Variants in NPHP1 observed in about 807,000 individuals in gnomAD.
NPHP1 encodes the protein nephrocystin 1, also known as nephrocystin-1.
A neutral mutation model predicts 90.4 loss-of-function variants in NPHP1; 70 were observed. That is an observed-to-expected ratio of 0.77 (90% CI 0.64 to 0.95). The LOEUF is 0.95. Among genes scored for constraint, NPHP1 ranks in the 40% least tolerant of loss-of-function variants. NPHP1 has a pLI of 0.00. For missense variants in NPHP1, 764 were observed against 795.9 expected (o/e 0.96, Z 0.48); for synonymous variants, 256 against 271.7 (o/e 0.94, Z 0.57).
chr2:110,195,900 G>C (rs1408937992), intron 2 of NPHP1, among the ~76,000 whole-genome samples: 2 of 152,062 alleles, frequency 1.3e-5, no homozygotes, highest in Admixed American at 1.3e-4. Flanking sequence ...ACAAGAAATG[G>C]GGAAATGATT....
intron 16 of NPHP1, among the ~76,000 whole-genome samples, chr2:110,135,748 G>A (rs1386447966): frequency 6.6e-6 from 1 of 152,126 alleles, no homozygotes; most frequent in Non-Finnish European, 1.5e-5. Flanking sequence ...TTTGGGCTGA[G>A]AAAAATCACC....
At chr2:110,133,812 T>C (rs1030513009) in intron 16 of NPHP1, among the ~76,000 whole-genome samples, 1 of 151,690 alleles carries the variant, frequency 6.6e-6, no homozygotes, top group African/African-American at 2.4e-5. Context: ...CAAGAGAAAC[T>C]AGAAAATATC....
chr2:110,190,685 T>C (rs1279002110), intron 2 of NPHP1, among the ~76,000 whole-genome samples: 1 of 152,064 alleles, frequency 6.6e-6, no homozygotes, highest in East Asian at 1.9e-4. Context: ...GCCGCCAAAG[T>C]GGGAGCCCAG....
In NPHP1 at chr2:110,125,117, C is replaced by A. The variant is rs950632941; in HGVS notation, c.1761+520G>T. 8.6e-6 allele frequency: 12 copies of A among 1,394,348 alleles called. No homozygotes were observed. The African/African-American group carries it at 1.6e-4, about 19-fold the overall frequency. The allele number at this position is 1,394,348 out of a possible 1,614,324, so 86.4% of individuals were successfully genotyped here. On this transcript the variant is annotated intron_variant, in intron 19 of 19. Coordinates refer to ENST00000445609, the MANE Select transcript of NPHP1 (RefSeq NM_001128178.3). Reference sequence around the variant, plus strand: ...ACAGAGACCACAAGACCTGAAAAGCCAAGAAGATTTTCCATCTATAGCCCT... The same window carrying A: ...ACAGAGACCACAAGACCTGAAAAGCAAAGAAGATTTTCCATCTATAGCCCT...
At chr2:110,125,706 G>T (rs977796926) in intron 18 of NPHP1, 25 bp from the exon 19 acceptor site, 1 of 1,600,504 alleles carries the variant, frequency 6.2e-7, no homozygotes. Context: ...GAAATATTAT[G>T]TTAGTCCAAG....
chr2:110,179,668 G>T lies in NPHP1; in HGVS notation c.160C>A (p.Gln54Lys). The change falls in exon 3 of 20, where the codon CAG (glutamine) becomes AAG (lysine). Residue 54 changes from glutamine (Q) to lysine (K), a missense_variant. Physicochemically the swap from Gln to Lys is moderately conservative, Grantham distance 53 (BLOSUM62 1). Transcript: ENST00000445609. ...GCATTTTTATTTTCATCTATTGCCT[G>T]CTTTAACTGGATACATCTAAATTAA... is the stretch of plus-strand genomic sequence containing the variant. ...HIYQRCIQLKQAIDENKNALQ... is the reference protein window; with the variant it reads ...HIYQRCIQLKKAIDENKNALQ... 7.3e-7 allele frequency: 1 copy of T among 1,362,874 alleles called. No individual in the cohort carries two copies. The highest frequency in any genetic ancestry group is 1.0e-6 in the Non-Finnish European group (1 of 957,652). The allele number at this position is 1,362,874 out of a possible 1,614,324, so 84.4% of individuals were successfully genotyped here.
chr2:110,189,770 C>T (rs1024681677), intron 2 of NPHP1, among the ~76,000 whole-genome samples: 8 of 152,186 alleles, frequency 5.3e-5, no homozygotes, highest in Middle Eastern at 3.4e-3. Flanking sequence ...CTCCAGGTCC[C>T]CACTAGATTA....
At chr2:110,193,317 C>T (rs1176312344) in intron 2 of NPHP1, among the ~76,000 whole-genome samples, 1 of 151,884 alleles carries the variant, frequency 6.6e-6, no homozygotes, top group African/African-American at 2.4e-5. Context: ...GGAAGATCTA[C>T]CAAGCAAATG....
chr2:110,141,841 C>T (rs546497059), intron 16 of NPHP1, among the ~76,000 whole-genome samples: 2 of 151,702 alleles, frequency 1.3e-5, no homozygotes, highest in East Asian at 1.9e-4. Flanking sequence ...GGCGTGGTGG[C>T]GGGCGCCTGT....
intron 2 of NPHP1, among the ~76,000 whole-genome samples, chr2:110,193,826 T>G (rs1382149983): frequency 6.6e-6 from 1 of 152,032 alleles, no homozygotes; most frequent in East Asian, 1.9e-4. Context: ...CAAAGTGCAA[T>G]CAAACTAGAA....
intron 12 of NPHP1, 62 bp downstream of exon 12, chr2:110,150,120 A>G: frequency 1.6e-6 from 2 of 1,218,830 alleles, no homozygotes; most frequent in Non-Finnish European, 2.4e-6. Flanking sequence ...TGCTATTTAT[A>G]GAAATATGAA....
Position 110,147,904 on chromosome 2 carries a change from C to T in NPHP1, c.1269+12G>A. The T allele has an allele frequency of 7.0e-7, 1 of 1,425,256 alleles. No homozygotes were observed. Among genetic ancestry groups the T allele is most frequent in the Non-Finnish European group, 9.9e-7 (1 of 1,007,692 alleles). 88.3% of individuals were successfully genotyped at this position (1,425,256 alleles called of 1,614,324 possible). On this transcript the variant is annotated intron_variant, in intron 13 of 19. Coordinates refer to ENST00000445609, the MANE Select transcript of NPHP1 (RefSeq NM_001128178.3). Reference sequence around the variant, plus strand: ...TGATACATTAGAAAGCCTTATCTTTCAACGGACATACATTGCGAATATAAG... The same window carrying T: ...TGATACATTAGAAAGCCTTATCTTTTAACGGACATACATTGCGAATATAAG...
chr2:110,146,850 A>G lies in NPHP1; in HGVS notation c.1270-15T>C. 1.3e-6 allele frequency: 2 copies of G among 1,595,558 alleles called. No homozygotes were observed. The highest frequency in any genetic ancestry group is 2.7e-5 in the African/African-American group (2 of 74,676). The stretch of plus-strand genomic sequence containing the variant: ...TCACCAGTTGACTAGGAAATAAGAC[A>G]AGTATATGAAACTTAAGGTCTGAAC... On this transcript the variant is annotated splice_polypyrimidine_tract_variant and intron_variant, in intron 13 of 19. Coordinates refer to ENST00000445609, the MANE Select transcript of NPHP1 (RefSeq NM_001128178.3).
chr2:110,202,327 T>C (rs1053710515), intron 1 of NPHP1: 11 of 373,730 alleles, frequency 2.9e-5, no homozygotes, highest in South Asian at 1.6e-4. Context: ...TTCTCTACTC[T>C]TGCAATTTGG....
intron 2 of NPHP1, among the ~76,000 whole-genome samples, chr2:110,191,232 A>G (rs1343458207): frequency 6.6e-6 from 1 of 152,162 alleles, no homozygotes; most frequent in Non-Finnish European, 1.5e-5. Flanking sequence ...CTCACCCGGG[A>G]AGCACAAGGG....
intron 2 of NPHP1, among the ~76,000 whole-genome samples, chr2:110,180,815 C>T (rs931848324): frequency 6.6e-6 from 1 of 152,168 alleles, no homozygotes; most frequent in Non-Finnish European, 1.5e-5. Flanking sequence ...CGGATCTCTG[C>T]AACCCACAGA....
At chr2:110,129,015 G>A in intron 18 of NPHP1, 171 bp downstream of exon 18, 1 of 643,800 alleles carries the variant, frequency 1.6e-6, no homozygotes, top group Admixed American at 2.6e-5. Flanking sequence ...CAGCCCTTGG[G>A]AATTTATGCT....
At chr2:110,143,429 A>G in intron 16 of NPHP1, 113 bp downstream of exon 16, 1 of 778,324 alleles carries the variant, frequency 1.3e-6, no homozygotes, top group Non-Finnish European at 2.3e-6. Flanking sequence ...ATTAAAGAGG[A>G]CAAAAATATT....
intron 18 of NPHP1, chr2:110,127,638 C>T (rs898269431): frequency 1.3e-5 from 2 of 152,060 alleles, no homozygotes; most frequent in African/African-American, 4.8e-5. Flanking sequence ...TACCCTCATG[C>T]TTTCAAGCAG....
Sources: allele counts gnomAD v4.1 joint callset (sites outside exome capture counted in the v4.1 genomes callset), GRCh38; gene constraint gnomAD v4.1.1; transcripts MANE v1.5; gene names NCBI Gene and HGNC (gene_info 2026-07-23, HGNC 2026-07-21).